Variants in CRYM observed in about 807,000 individuals in gnomAD.
The protein encoded by CRYM is crystallin mu, also known as ketimine reductase mu-crystallin.
A neutral mutation model predicts 32.9 loss-of-function variants in CRYM; 18 were observed. That is an observed-to-expected ratio of 0.55 (90% confidence interval 0.38 to 0.81). The LOEUF is 0.81. Ranked by LOEUF, CRYM falls within the 30% of genes least tolerant of loss-of-function variation. CRYM has a pLI of 0.00. For missense variants in CRYM, 337 were observed against 393.5 expected (o/e 0.86, Z 1.21); for synonymous variants, 153 against 152.4 (o/e 1.00, Z -0.03).
At chr16:21,265,106 A>G (rs1014937786) in intron 5 of CRYM, among the ~76,000 whole-genome samples, 2 of 152,050 alleles carry the variant, frequency 1.3e-5, no homozygotes, top group Non-Finnish European at 2.9e-5. Context: ...TTGGAAACCC[A>G]TTTCACCATG....
upstream of CRYM, among the ~76,000 whole-genome samples, chr16:21,282,269 C>T (rs778287516): frequency 1.1e-4 from 16 of 152,154 alleles, no homozygotes; most frequent in Non-Finnish European, 1.8e-4. Flanking sequence ...ACTGTAAATC[C>T]AATAAGCCTC....
intron 1 of CRYM, among the ~76,000 whole-genome samples, chr16:21,291,489 T>C (rs955867054): frequency 6.6e-6 from 1 of 152,108 alleles, no homozygotes; most frequent in Admixed American, 6.5e-5. Context: ...CCTTACACAA[T>C]GTAAAAACTT....
chr16:21,302,070 A>AAC (rs1326562496), intron 1 of CRYM, among the ~76,000 whole-genome samples: 4 of 152,138 alleles, frequency 2.6e-5, no homozygotes, highest in Admixed American at 1.3e-4. Context: ...TCCCCCCGCC[A>AAC]ACACACACAC....
intron 1 of CRYM, among the ~76,000 whole-genome samples, chr16:21,298,009 G>A (rs1960823614): frequency 6.6e-6 from 1 of 152,184 alleles, no homozygotes; most frequent in Admixed American, 6.5e-5. Flanking sequence ...CTTACCAATT[G>A]ATATATCATT....
intron 1 of CRYM, among the ~76,000 whole-genome samples, chr16:21,296,917 G>A (rs1028261360): frequency 6.6e-6 from 1 of 152,082 alleles, no homozygotes; most frequent in African/African-American, 2.4e-5. Context: ...GCTGAGGCAG[G>A]AGAATGGTGT....
At chr16:21,281,905 A>G (rs2093398798), upstream of CRYM, among the ~76,000 whole-genome samples, 1 of 152,188 alleles carries the variant, frequency 6.6e-6, no homozygotes, top group Admixed American at 6.5e-5. Context: ...ATATTTAGCC[A>G]ACCTGTTGAG....
At position 21,267,579 on chromosome 16, in the gene CRYM, C is replaced by G. The variant is rs988836043; in HGVS notation, c.648G>C (p.Trp216Cys). The change falls in exon 5 of 8, where the codon TGG becomes TGC. Residue 216 changes from tryptophan (W) to cysteine (C), a missense_variant. Coordinates refer to ENST00000572914, the MANE Select transcript of CRYM (RefSeq NM_001376256.1). The part of the protein sequence containing the change: ...LATEPILFGE[W>C]VKPGAHINAV... Reference sequence around the variant, plus strand: ...CATTGATGTGAGCCCCTGGCTTCACCCATTCACCAAACAAAATGGGCTCTG... The same window carrying G: ...CATTGATGTGAGCCCCTGGCTTCACGCATTCACCAAACAAAATGGGCTCTG... The G allele has an allele frequency of 3.7e-6, 6 of 1,613,954 alleles. No individual in the cohort carries two copies. Among genetic ancestry groups the G allele is most frequent in the Non-Finnish European group, 5.1e-6 (6 of 1,180,012 alleles).
chr16:21,282,720 G>A (rs1407505839), upstream of CRYM, among the ~76,000 whole-genome samples: 1 of 152,048 alleles, frequency 6.6e-6, no homozygotes, highest in Non-Finnish European at 1.5e-5. Flanking sequence ...GGACAACTCT[G>A]CAAATCATCT....
intron 5 of CRYM, among the ~76,000 whole-genome samples, chr16:21,263,437 A>G (rs1417366679): frequency 6.6e-6 from 1 of 151,650 alleles, no homozygotes; most frequent in Non-Finnish European, 1.5e-5. Context: ...ACAGCCTCAA[A>G]CTCCTGAGCT....
At chr16:21,261,074 G>A in intron 7 of CRYM, 180 bp downstream of exon 7, 3 of 660,602 alleles carry the variant, frequency 4.5e-6, no homozygotes, top group South Asian at 1.7e-5. Flanking sequence ...TCTGACCCAG[G>A]ACTGCTCAGT....
At chr16:21,272,209 C>T (rs1394728558) in intron 3 of CRYM, among the ~76,000 whole-genome samples, 1 of 152,076 alleles carries the variant, frequency 6.6e-6, no homozygotes, top group Admixed American at 6.6e-5. Context: ...GCATTAGTGG[C>T]ACTTCAATCT....
At chr16:21,274,318 A>G (rs370034271) in intron 3 of CRYM, among the ~76,000 whole-genome samples, 4 of 152,102 alleles carry the variant, frequency 2.6e-5, no homozygotes, top group African/African-American at 7.2e-5. Flanking sequence ...GTGTTTTTGC[A>G]TGGTTCGCTA....
chr16:21,269,728 G>A (rs534301237), intron 4 of CRYM, 62 bp downstream of exon 4: 399 of 1,073,028 alleles, frequency 3.7e-4, no homozygotes, highest in Admixed American at 6.1e-4. Flanking sequence ...CAGTGAAGCA[G>A]TATAGACAGG....
chr16:21,264,794 T>C (rs1364088992), intron 5 of CRYM, among the ~76,000 whole-genome samples: 1 of 151,366 alleles, frequency 6.6e-6, no homozygotes, highest in African/African-American at 2.4e-5. Context: ...GGATGGAGAG[T>C]CCATATGGTG....
Position 21,258,556 on chromosome 16 carries a change from T to C in CRYM, c.*225A>G, listed in dbSNP as rs897982156. ...GAATGTGCTTTATTTCAGGGAAATA[T>C]AAAGGGAAATGAATGCTATTATAAC... On this transcript the variant is annotated 3_prime_UTR_variant, in exon 8 of 8. Transcript: ENST00000572914. 23 of 583,174 alleles carry C rather than the reference T, an allele frequency of 3.9e-5. No homozygotes were observed. The highest frequency in any genetic ancestry group is 3.0e-4 in the African/African-American group (16 of 53,468). The allele number at this position is 583,174 out of a possible 1,614,324, so 36.1% of individuals were successfully genotyped here.
intron 1 of CRYM, among the ~76,000 whole-genome samples, chr16:21,293,684 T>C (rs980249159): frequency 1.3e-5 from 2 of 152,184 alleles, no homozygotes; most frequent in African/African-American, 4.8e-5. Flanking sequence ...TTCATACAGA[T>C]ATTAGCAAGA....
chr16:21,274,580 C>T (rs2260483), intron 3 of CRYM, among the ~76,000 whole-genome samples: 1 of 151,820 alleles, frequency 6.6e-6, no homozygotes, highest in Admixed American at 6.6e-5. Context: ...TTAAACTCAA[C>T]AGATGTTTTT....
In CRYM at chr16:21,258,803, T is replaced by A; in HGVS notation, c.923A>T (p.Asp308Val). 6.2e-7 allele frequency: 1 copy of A among 1,614,124 alleles called. No homozygotes were observed. Among genetic ancestry groups the A allele is most frequent in the Non-Finnish European group, 8.5e-7 (1 of 1,179,994 alleles). The stretch of plus-strand genomic sequence containing the variant: ...GTTTTATTTACCAGATGACCAGGAA[T>A]CATAGATGAGTTTGGCTGCAACTGT... ...EDTVAAKLIY[D>V]SWSSGK is the part of the protein sequence containing the mutation. The change falls in exon 8 of 8, where the codon GAT becomes GTT. Residue 308 changes from aspartate (D) to valine (V), a missense_variant. Transcript: ENST00000572914.
chr16:21,300,353 CTGT>C (rs1478196721), intron 1 of CRYM: 6 of 151,898 alleles, frequency 4.0e-5, no homozygotes, highest in African/African-American at 1.2e-4. Flanking sequence ...GTTTTTATTG[CTGT>C]TGTTAAAGGT....
Sources: gnomAD v4.1 joint callset for allele counts (sites outside exome capture counted in the v4.1 genomes callset) on GRCh38, gnomAD v4.1.1 for gene constraint, MANE v1.5 for transcripts, NCBI Gene and HGNC (gene_info 2026-07-23, HGNC 2026-07-21) for gene names.